VPS13D: variants seen among roughly 807,000 people sequenced by gnomAD.
The protein encoded by VPS13D is vacuolar protein sorting 13 homolog D, also known as intermembrane lipid transfer protein VPS13D.
In VPS13D, 187 loss-of-function variants were observed where a neutral mutation model predicts 461.9. The ratio of observed to expected loss-of-function variants is 0.40; its 90% CI spans 0.36 to 0.46. The LOEUF is 0.46. Among genes scored for constraint, VPS13D ranks in the 20% least tolerant of loss-of-function variants. VPS13D has a pLI of 0.60. For missense variants in VPS13D, 4,711 were observed against 5,364.9 expected, an observed-to-expected ratio of 0.88 and a Z score of 3.81; for synonymous variants, 1,951 against 1,986.3, an observed-to-expected ratio of 0.98 and a Z score of 0.47.
At chr1:12,256,135 A>G in intron 7 of VPS13D, 198 bp from the exon 8 acceptor site, 2 of 508,984 alleles carry the variant, frequency 3.9e-6, no homozygotes, top group South Asian at 3.1e-5. Context: ...TCAAGACCAG[A>G]CAGGGCAATA....
chr1:12,499,412 C>G, intron 68 of VPS13D: 1 of 969,300 alleles, frequency 1.0e-6, no homozygotes. Context: ...TTTCTTTTCA[C>G]TTTCCTCCCC....
Position 12,396,029 on chromosome 1 carries a change from A to ATATATATATATATATATGTATT in VPS13D, c.11635-4152_11635-4151insTATATATATATATATATGTATT, listed in dbSNP as rs1553187933. ...TATATATATATATATATATATATATAGTTCTTTAAGATCAATAAAATTAAT... is the reference window on the plus strand; with the variant it reads ...TATATATATATATATATATATATATATATATATATATATATATGTATTGTTCTTTAAGATCAATAAAATTAAT... On this transcript the variant is annotated intron_variant, in intron 60 of 69. Coordinates refer to ENST00000620676, the MANE Select transcript of VPS13D (RefSeq NM_015378.4). Among the ~76,000 whole-genome samples, 159 of 119,764 alleles carry ATATATATATATATATATGTATT rather than the reference A, an allele frequency of 1.3e-3. 3 individuals carry two copies. The highest frequency in any genetic ancestry group is 5.9e-3 in the Admixed American group (62 of 10,436). 78.6% of individuals were successfully genotyped at this position (119,764 alleles called of 152,430 possible). A position where few individuals can be genotyped will look rare whatever the true frequency, so the allele number is the denominator to read the frequency against.
intron 68 of VPS13D, among the ~76,000 whole-genome samples, chr1:12,506,481 T>C (rs1646108651): frequency 6.6e-6 from 1 of 152,210 alleles, no homozygotes; most frequent in Admixed American, 6.5e-5. Flanking sequence ...TGAACCTGTT[T>C]AATTCTGCTT....
intron 60 of VPS13D, among the ~76,000 whole-genome samples, chr1:12,391,368 A>G (rs1338270738): frequency 6.6e-6 from 1 of 152,190 alleles, no homozygotes; most frequent in Non-Finnish European, 1.5e-5. Flanking sequence ...GGAATTCCCC[A>G]TGAAGCCATC....
chr1:12,348,893 C>T lies in VPS13D; in HGVS notation c.9140C>T (p.Thr3047Ile), dbSNP rs755094583. The T allele has an allele frequency of 1.2e-5, 19 of 1,614,090 alleles. No homozygotes were observed. In the Admixed American group the frequency reaches 2.7e-4, roughly 23 times the overall value. ...GAAGGCAGTGCACGGAAAGTCATCACTGTCCGGTCAGCCCTCATTGTGAGG... is the reference window on the plus strand; with the variant it reads ...GAAGGCAGTGCACGGAAAGTCATCATTGTCCGGTCAGCCCTCATTGTGAGG... ...TMEGSARKVI[T>I]VRSALIVRNR... Residue 3047 changes from threonine (T) to isoleucine (I), a missense_variant, in exon 45 of 70, where the codon ACT (threonine) becomes ATT (isoleucine). Thr to Ile is a moderately conservative substitution (Grantham distance 89). This residue lies in a region of VPS13D where 4,411 missense variants were observed against 4,937.8 expected (regional missense o/e 0.89). Coordinates refer to ENST00000620676, the MANE Select transcript of VPS13D (RefSeq NM_015378.4).
chr1:12,311,527 T>A lies in VPS13D; in HGVS notation c.6724T>A (p.Tyr2242Asn), dbSNP rs1329281662. 4.3e-6 allele frequency: 7 copies of A among 1,614,168 alleles called. No homozygotes were observed. The highest frequency in any genetic ancestry group is 5.9e-6 in the Non-Finnish European group (7 of 1,180,022). Residue 2242 changes from tyrosine to asparagine, a missense_variant, in exon 28 of 70, where the codon TAT becomes AAT. Physicochemically the swap from Tyr to Asn is moderately radical, Grantham distance 143 (BLOSUM62 -2). Transcript: ENST00000620676. ...LSSVHCSLDL[Y>N]KYKLIRGLLE... ...CTCAGTCCACTGCTCTCTGGATCTG[T>A]ATAAATACAAGCTGATCCGCGGCTT...
chr1:12,276,184 T>G lies in VPS13D; in HGVS notation c.2596T>G (p.Ser866Ala), dbSNP rs1641605992. ...GTTAGAGCGTCGATTGATTTATACT[T>G]CAGATCCCAAATATCCAGGAGCCGT... ...LQLERRLIYTSDPKYPGAVLS... is the reference protein window; with the variant it reads ...LQLERRLIYTADPKYPGAVLS... The change falls in exon 19 of 70, where the codon TCA (serine) becomes GCA (alanine). Residue 866 changes from serine to alanine, a missense_variant. By Grantham distance (99) the Ser-to-Ala change is moderately conservative. Around this residue, in one of 3 missense-constraint regions of VPS13D, gnomAD observed 4,411 missense variants for 4,937.8 expected, o/e 0.89. Transcript: ENST00000620676. This position sits in a 1 kb window ranked among gnomAD's most constrained non-coding sequence, Gnocchi z 4.5. The G allele has an allele frequency of 1.9e-6, 3 of 1,614,156 alleles. No homozygotes were observed. Among genetic ancestry groups the G allele is most frequent in the Non-Finnish European group, 2.5e-6 (3 of 1,180,034 alleles).
intron 7 of VPS13D, among the ~76,000 whole-genome samples, chr1:12,254,646 C>T (rs933841737): frequency 2.0e-5 from 3 of 150,218 alleles, no homozygotes; most frequent in African/African-American, 4.9e-5. Flanking sequence ...GCCTCAGCCT[C>T]CCAAATAGCT....
In VPS13D at chr1:12,425,547, A is replaced by G. The variant is rs1644913983; in HGVS notation, c.12333+8720A>G. On this transcript the variant is annotated intron_variant, in intron 65 of 69. Coordinates refer to ENST00000620676, the MANE Select transcript of VPS13D (RefSeq NM_015378.4). ...GCACTCCAGCCTGGGTGACAGAACA[A>G]TGTTGTTTCTGTCTTAAAAAAAAAA... Among the ~76,000 whole-genome samples the G allele has an allele frequency of 2.0e-5, 3 of 151,346 alleles. No individual in the cohort carries two copies. The South Asian group carries it at 6.3e-4, about 32-fold the overall frequency.
At chr1:12,360,004 T>C (rs1643926308) in intron 50 of VPS13D, among the ~76,000 whole-genome samples, 1 of 152,198 alleles carries the variant, frequency 6.6e-6, no homozygotes, top group Admixed American at 6.5e-5. Context: ...GGGAGGAGCT[T>C]GTTCCTTTTA....
At chr1:12,400,005 A>G (rs1644552992) in intron 60 of VPS13D, among the ~76,000 whole-genome samples, 176 bp from the exon 61 acceptor site, 1 of 152,172 alleles carries the variant, frequency 6.6e-6, no homozygotes. Context: ...ATCTGTTATT[A>G]TGACTGCTTA....
intron 35 of VPS13D, among the ~76,000 whole-genome samples, chr1:12,325,976 C>CTTT (rs70987244): frequency 2.7e-4 from 37 of 137,284 alleles, no homozygotes; most frequent in African/African-American, 7.5e-4. Flanking sequence ...TACTTGATTT[C>CTTT]TTTTTTTTTT....
chr1:12,240,231 C>T (rs916562815), intron 2 of VPS13D, among the ~76,000 whole-genome samples: 1 of 151,968 alleles, frequency 6.6e-6, no homozygotes, highest in Non-Finnish European at 1.5e-5. Context: ...CTTTACTTTC[C>T]CAAGGTTGTA....
At chr1:12,385,191 T>C in intron 58 of VPS13D, 69 bp from the exon 59 acceptor site, 1 of 1,286,492 alleles carries the variant, frequency 7.8e-7, no homozygotes, top group South Asian at 1.2e-5. Context: ...TACACAGTTG[T>C]TCTGGGTTAG....
At chr1:12,342,357 C>T (rs1008368877) in intron 41 of VPS13D, among the ~76,000 whole-genome samples, 1 of 152,190 alleles carries the variant, frequency 6.6e-6, no homozygotes, top group Non-Finnish European at 1.5e-5. Context: ...GTTTGGAGAA[C>T]AAAGGAGACT....
At chr1:12,245,587 C>T (rs1489097577) in intron 5 of VPS13D, among the ~76,000 whole-genome samples, 1 of 152,096 alleles carries the variant, frequency 6.6e-6, no homozygotes, top group Non-Finnish European at 1.5e-5. Context: ...AGCTGGGCTT[C>T]GTGGCATGTA....
chr1:12,418,054 C>T (rs879269349), intron 65 of VPS13D, among the ~76,000 whole-genome samples: 2 of 152,028 alleles, frequency 1.3e-5, no homozygotes, highest in Non-Finnish European at 2.9e-5. Context: ...TTACAGGTGC[C>T]CGGCACCACA....
chr1:12,323,932 CA>C, intron 35 of VPS13D, 152 bp downstream of exon 35: 1 of 757,018 alleles, frequency 1.3e-6, no homozygotes, highest in South Asian at 1.7e-5. Flanking sequence ...CATCTTAGGT[CA>C]GTAATAATAA....
intron 3 of VPS13D, 29 bp downstream of exon 3, chr1:12,242,619 A>AT: frequency 6.3e-7 from 1 of 1,594,008 alleles, no homozygotes; most frequent in East Asian, 2.2e-5. Flanking sequence ...GGGGGAAGAA[A>AT]TTTGAGTCTT....
Sources: gnomAD v4.1 joint callset for allele counts (sites outside exome capture counted in the v4.1 genomes callset) on GRCh38, gnomAD v4.1.1 for gene constraint, gnomAD v4.1.1 regional missense constraint, Gnocchi (gnomAD v3.1) non-coding constraint, MANE v1.5 for transcripts, NCBI Gene and HGNC (gene_info 2026-07-23, HGNC 2026-07-21) for gene names.